The following CACNA1S variants were observed in gnomAD, a reference collection of about 807,000 sequenced individuals.
CACNA1S encodes voltage-dependent L-type calcium channel subunit alpha-1S.
CACNA1S carries 126 observed loss-of-function variants against 207.4 expected under a neutral mutation model. The observed-to-expected ratio is 0.61, with a 90% CI of 0.53 to 0.70. The LOEUF (loss-of-function observed/expected upper bound fraction) is 0.70, where lower values mean the gene tolerates loss of function less well. CACNA1S is among the 30% of genes least tolerant of loss of function. The pLI, the probability that CACNA1S is intolerant of heterozygous loss-of-function variation, is 0.00. For synonymous variants in CACNA1S, 960 were observed against 932.7 expected (o/e 1.03, Z -0.53); for missense variants, 2,349 against 2,422.8 (o/e 0.97, Z 0.64).
At position 201,051,089 on chromosome 1, in the gene CACNA1S, C is replaced by T. The variant is rs374426148; in HGVS notation, c.4008G>A (p.Lys1336=). Reference sequence around the variant, plus strand: ...CATAGTCCGACTCTGGGTCACACAGCTTCCCATAGCTGCAGGCCAGTAGGA... The same window carrying T: ...CATAGTCCGACTCTGGGTCACACAGTTTCCCATAGCTGCAGGCCAGTAGGA... The part of the protein sequence containing the change: ...QEILLACSYG[K]LCDPESDYAP... Residue 1336 remains lysine, a synonymous_variant, in exon 33 of 44, where the codon AAG becomes AAA. Transcript: ENST00000362061. 21 of 1,614,142 alleles carry T rather than the reference C, an allele frequency of 1.3e-5. No individual in the cohort carries two copies. The highest frequency in any genetic ancestry group is 1.7e-5 in the Non-Finnish European group (20 of 1,180,052).
chr1:201,044,643 T>C (rs1232898564), intron 38 of CACNA1S, among the ~76,000 whole-genome samples, 187 bp from the exon 39 acceptor site: 1 of 152,194 alleles, frequency 6.6e-6, no homozygotes, highest in Admixed American at 6.5e-5. Flanking sequence ...CCTGAGTAGC[T>C]GGGATTATAG....
intron 28 of CACNA1S, among the ~76,000 whole-genome samples, chr1:201,056,080 C>CACACACACAT (rs1553249516): frequency 9.9e-5 from 14 of 141,754 alleles, no homozygotes; most frequent in African/African-American, 3.2e-4. Flanking sequence ...GACACACACA[C>CACACACACAT]ACACACACAC....
chr1:201,062,211 A>G (rs919686649), intron 23 of CACNA1S, 121 bp from the exon 24 acceptor site: 2 of 1,294,314 alleles, frequency 1.5e-6, no homozygotes, highest in Admixed American at 2.0e-5. Context: ...CTGGGACCCA[A>G]GGGGACACCG....
At chr1:201,090,410 G>T (rs1348281191) in intron 5 of CACNA1S, among the ~76,000 whole-genome samples, 1 of 152,184 alleles carries the variant, frequency 6.6e-6, no homozygotes, top group Non-Finnish European at 1.5e-5. Flanking sequence ...AAATGGGAGG[G>T]GTCTAGGAAT....
chr1:201,087,432 A>AC (rs142246500), intron 7 of CACNA1S, among the ~76,000 whole-genome samples: 1,908 of 152,160 alleles, frequency 0.013, 49 homozygotes, highest in African/African-American at 0.044. Context: ...CCACTTAGGC[A>AC]CCCCCGGGGC....
rs200730765 is a variant in CACNA1S, at chr1:201,069,577, G to A, written c.2385C>T (p.Ile795=). The A allele has an allele frequency of 1.9e-5, 29 of 1,560,996 alleles. No individual in the cohort carries two copies. In the East Asian group the frequency reaches 1.9e-4, roughly 10 times the overall value. The change falls in exon 18 of 44, where the codon ATC becomes ATT. Residue 795 remains isoleucine (I), a synonymous_variant. Coordinates refer to ENST00000362061, the MANE Select transcript of CACNA1S (RefSeq NM_000069.3). Reference sequence around the variant, plus strand: ...AGTTGGTAAACCAGGTGGCATTGACGATGCGGTGACACAGGACACGGATCC... The same window carrying A: ...AGTTGGTAAACCAGGTGGCATTGACAATGCGGTGACACAGGACACGGATCC... ...TNKIRVLCHR[I]VNATWFTNFI...
At chr1:201,106,497 A>G (rs1445130932) in intron 2 of CACNA1S, among the ~76,000 whole-genome samples, 1 of 152,142 alleles carries the variant, frequency 6.6e-6, no homozygotes, top group African/African-American at 2.4e-5. Context: ...GCCAGGCTAC[A>G]TAATGGGGGG....
intron 7 of CACNA1S, among the ~76,000 whole-genome samples, chr1:201,086,543 A>T (rs1020713006): frequency 4.6e-5 from 7 of 152,196 alleles, no homozygotes; most frequent in African/African-American, 7.2e-5. Flanking sequence ...GTGTTACCAT[A>T]CTGCATACCG....
In CACNA1S at chr1:201,061,283, T is replaced by G. The variant is rs1248438765; in HGVS notation, c.3239A>C (p.Glu1080Ala). 1.2e-6 allele frequency: 2 copies of G among 1,614,172 alleles called. No homozygotes were observed. The highest frequency in any genetic ancestry group is 1.7e-6 in the Non-Finnish European group (2 of 1,180,008). Residue 1080 changes from glutamate (E) to alanine (A), a missense_variant, in exon 25 of 44, where the codon GAG (glutamate) becomes GCG (alanine). Glu to Ala is a moderately radical substitution (Grantham distance 107). Transcript: ENST00000362061. Reference protein sequence around the residue: ...EQGETEYKNCELDKNQRQCVQ... With the variant: ...EQGETEYKNCALDKNQRQCVQ... ...CCCAGGCACCTGGTTCTTGTCCAGC[T>G]CACAGTTCTTGTACTCAGTCTCTCC...
chr1:201,070,359 G>A lies in CACNA1S; in HGVS notation c.2273C>T (p.Pro758Leu), dbSNP rs759887262. The A allele has an allele frequency of 4.3e-6, 7 of 1,614,096 alleles. No homozygotes were observed. The highest frequency in any genetic ancestry group is 5.9e-6 in the Non-Finnish European group (7 of 1,180,016). ...CAGCTGCAGCTCAGCCAGGGGACGT[G>A]GTCGGGGGCTCAGCGGGATCTCAGG... ...DEPEIPLSPR[P>L]RPLAELQLKE... The change falls in exon 17 of 44, where the codon CCA becomes CTA. Residue 758 changes from proline (P) to leucine (L), a missense_variant. Coordinates refer to ENST00000362061, the MANE Select transcript of CACNA1S (RefSeq NM_000069.3).
At chr1:201,069,060 C>T in intron 19 of CACNA1S, 77 bp downstream of exon 19, 1 of 1,295,586 alleles carries the variant, frequency 7.7e-7, no homozygotes. Flanking sequence ...CTCTCCAGCC[C>T]CTGAGTTCAG....
rs192769106 is a variant in CACNA1S at position 201,086,501 on chromosome 1, C to T, written c.1005-920G>A. Among the ~76,000 whole-genome samples the T allele has an allele frequency of 1.6e-4, 24 of 152,306 alleles. No individual in the cohort carries two copies. In the East Asian group the frequency reaches 2.9e-3, roughly 18 times the overall value. On this transcript the variant is annotated intron_variant, in intron 7 of 43. Transcript: ENST00000362061. ...TACACATCTAGGCTACATGGCATAG[C>T]CTATTGCTCCTAGCCTACAAACCTG...
rs114243233 is a variant in CACNA1S, at chr1:201,041,496, G to A, written c.5134+8C>T. 663 of 1,609,670 alleles carry A rather than the reference G, an allele frequency of 4.1e-4. 1 individual carries two copies. The African/African-American group carries it at 8.2e-3, about 20-fold the overall frequency. On this transcript the variant is annotated splice_region_variant and intron_variant, in intron 41 of 43. Coordinates refer to ENST00000362061, the MANE Select transcript of CACNA1S (RefSeq NM_000069.3). ...CTCAAGCTTCTTAGATGCACAGAAG[G>A]GACTGACCCAGGACCCTGCAGGGTT... is the stretch of plus-strand genomic sequence containing the variant.
Position 201,047,096 on chromosome 1 carries a change from A to G in CACNA1S, c.4668+19T>C, listed in dbSNP as rs140742077. 1,654 of 1,614,152 alleles carry G rather than the reference A, an allele frequency of 1.0e-3. 18 individuals carry two copies. The African/African-American group carries it at 0.019, about 19-fold the overall frequency. ...GCTCAGTGGGGGAGCCCCTTGGAAC[A>G]TACCTGGATTGGGCTTACCTGGATC... On this transcript the variant is annotated intron_variant, in intron 38 of 43. Transcript: ENST00000362061.
chr1:201,076,952 T>C lies in CACNA1S; in HGVS notation c.1795A>G (p.Asn599Asp). ...ACGCTGATGAGGGCTTGGGGAAAGT[T>C]GTCAAAGTTGCTGCGCCGTACTTCT... is the stretch of plus-strand genomic sequence containing the variant. Reference protein sequence around the residue: ...DTEVRRSNFDNFPQALISVFQ... With the variant: ...DTEVRRSNFDDFPQALISVFQ... The change falls in exon 12 of 44, where the codon AAC becomes GAC. Residue 599 changes from asparagine (N) to aspartate (D), a missense_variant. Asn to Asp is a conservative substitution (Grantham distance 23, BLOSUM62 1). Coordinates refer to ENST00000362061, the MANE Select transcript of CACNA1S (RefSeq NM_000069.3). 6.2e-7 allele frequency: 1 copy of C among 1,614,124 alleles called. No homozygotes were observed. The highest frequency in any genetic ancestry group is 8.5e-7 in the Non-Finnish European group (1 of 1,180,018).
intron 22 of CACNA1S, among the ~76,000 whole-genome samples, chr1:201,065,351 G>A (rs1433017824): frequency 2.0e-5 from 3 of 152,180 alleles, no homozygotes; most frequent in Non-Finnish European, 2.9e-5. Context: ...AACCATCATT[G>A]AAAGATGGCT....
intron 28 of CACNA1S, among the ~76,000 whole-genome samples, chr1:201,057,100 T>A (rs555856398): frequency 5.3e-5 from 8 of 152,346 alleles, no homozygotes; most frequent in Non-Finnish European, 1.2e-4. Context: ...TGTTCACACT[T>A]AAACCCTCCA....
chr1:201,099,945 G>A (rs1445805169), intron 2 of CACNA1S, among the ~76,000 whole-genome samples: 1 of 152,106 alleles, frequency 6.6e-6, no homozygotes, highest in Non-Finnish European at 1.5e-5. Flanking sequence ...CAGGATCTGG[G>A]AGGAGGCCCT....
chr1:201,061,847 G>A (rs908277335), intron 24 of CACNA1S, 97 bp downstream of exon 24: 9 of 1,371,728 alleles, frequency 6.6e-6, no homozygotes, highest in Admixed American at 3.4e-5. Flanking sequence ...CCTGCCACAG[G>A]TAGCAGTAGC....
Sources: allele counts gnomAD v4.1 joint callset (sites outside exome capture counted in the v4.1 genomes callset), GRCh38; gene constraint gnomAD v4.1.1; transcripts MANE v1.5; gene names NCBI Gene and HGNC (gene_info 2026-07-23, HGNC 2026-07-21).